SHISA9: variants seen among roughly 807,000 people sequenced by gnomAD.
SHISA9 encodes protein shisa-9.
A neutral mutation model predicts 38.0 loss-of-function variants in SHISA9; 13 were observed. That is an observed-to-expected ratio of 0.34 (90% CI 0.22 to 0.54). The LOEUF is 0.54. Ranked by LOEUF, SHISA9 falls within the 20% of genes least tolerant of loss-of-function variation. The pLI, the probability that SHISA9 is intolerant of heterozygous loss-of-function variation, is 0.91. For synonymous variants in SHISA9, 275 were observed against 242.0 expected (o/e 1.14, Z -1.27); for missense variants, 538 against 575.8 (o/e 0.93, Z 0.67).
the SHISA9 span, among the ~76,000 whole-genome samples, chr16:13,487,310 A>C: frequency 6.6e-6 from 1 of 152,336 alleles, no homozygotes; most frequent in Admixed American, 6.5e-5. Flanking sequence ...GTAATTTATA[A>C]AGAAAAGAGC....
intron 2 of SHISA9, among the ~76,000 whole-genome samples, chr16:13,199,526 G>A (rs989701907): frequency 6.6e-6 from 1 of 152,262 alleles, no homozygotes; most frequent in East Asian, 1.9e-4. Context: ...CAGGAGCCAG[G>A]AGCCACAAAA....
the SHISA9 span, among the ~76,000 whole-genome samples, chr16:13,496,434 T>C: frequency 6.6e-6 from 1 of 152,108 alleles, no homozygotes; most frequent in African/African-American, 2.4e-5. Flanking sequence ...GATGAAAGTG[T>C]CTCAAAATAA....
At chr16:13,091,291 C>T (rs2073772364) in intron 2 of SHISA9, among the ~76,000 whole-genome samples, 1 of 152,174 alleles carries the variant, frequency 6.6e-6, no homozygotes, top group Admixed American at 6.5e-5. Context: ...GGTTGCTCTT[C>T]TCGACGAGTA....
intron 2 of SHISA9, among the ~76,000 whole-genome samples, chr16:13,150,210 G>A (rs368648329): frequency 5.9e-5 from 9 of 151,870 alleles, no homozygotes; most frequent in Admixed American, 4.6e-4. Flanking sequence ...TACTGCGTTT[G>A]TTCCACCTCT....
At chr16:13,188,963 T>G (rs2050856542) in intron 2 of SHISA9, among the ~76,000 whole-genome samples, 1 of 152,064 alleles carries the variant, frequency 6.6e-6, no homozygotes, top group South Asian at 2.1e-4. Flanking sequence ...GAAATTTGGA[T>G]GCAGACACAC....
the SHISA9 span, among the ~76,000 whole-genome samples, chr16:13,324,432 C>G: frequency 6.6e-6 from 1 of 152,038 alleles, no homozygotes; most frequent in African/African-American, 2.4e-5. Context: ...TGATTGGCAA[C>G]CACAAAGAAA....
intron 2 of SHISA9, among the ~76,000 whole-genome samples, chr16:12,938,178 G>A (rs1434523939): frequency 6.6e-6 from 1 of 152,218 alleles, no homozygotes; most frequent in African/African-American, 2.4e-5. Context: ...CCGAGAAGGG[G>A]AAGAATAAAG....
intron 4 of SHISA9, among the ~76,000 whole-genome samples, chr16:13,213,856 C>G (rs1049868700): frequency 6.6e-6 from 1 of 152,192 alleles, no homozygotes; most frequent in African/African-American, 2.4e-5. Flanking sequence ...TGGCAGCTAT[C>G]ATTAATTAGC....
the SHISA9 span, chr16:13,331,810 A>T: frequency 5.3e-5 from 8 of 152,262 alleles, no homozygotes; most frequent in Admixed American, 2.6e-4. Context: ...TTGGTTTCCT[A>T]TCTGGAAAGT....
chr16:13,236,886 C>T lies in SHISA9; in HGVS notation c.*1477C>T, dbSNP rs1225020101. On this transcript the variant is annotated 3_prime_UTR_variant, in exon 5 of 5. Coordinates refer to ENST00000558583, the MANE Select transcript of SHISA9 (RefSeq NM_001145204.3). ...CATACTTCATGTGTTCATCTCCCAT[C>T]CAGAATGTCCTGAGGTTGTTTTTCT... 3 of 152,212 alleles carry T rather than the reference C, an allele frequency of 2.0e-5. No individual in the cohort carries two copies. Among genetic ancestry groups the T allele is most frequent in the Non-Finnish European group, 4.4e-5 (3 of 68,040 alleles). The allele number at this position is 152,212 out of a possible 1,614,324, so 9.4% of individuals were successfully genotyped here. A position where few individuals can be genotyped will look rare whatever the true frequency, so the allele number is the denominator to read the frequency against.
chr16:13,372,657 A>G, the SHISA9 span, among the ~76,000 whole-genome samples: 4 of 152,332 alleles, frequency 2.6e-5, no homozygotes, highest in Non-Finnish European at 1.5e-5. Flanking sequence ...TTCACTAAGT[A>G]TTTCCTAAGA....
the SHISA9 span, among the ~76,000 whole-genome samples, chr16:13,248,023 A>C: frequency 2.0e-5 from 3 of 152,238 alleles, no homozygotes; most frequent in African/African-American, 7.2e-5. Context: ...TCCATGTATC[A>C]AAGGCAGTTG....
chr16:13,165,036 A>C (rs945834159), intron 2 of SHISA9, among the ~76,000 whole-genome samples: 1 of 151,994 alleles, frequency 6.6e-6, no homozygotes, highest in Non-Finnish European at 1.5e-5. Context: ...GGTTTTCAGC[A>C]ATTTAGTTAA....
chr16:13,325,351 T>G, the SHISA9 span, among the ~76,000 whole-genome samples: 113 of 152,324 alleles, frequency 7.4e-4, no homozygotes, highest in African/African-American at 2.5e-3. Flanking sequence ...TCTCTTTTCA[T>G]GTTAATGCTG....
intron 2 of SHISA9, among the ~76,000 whole-genome samples, chr16:12,986,956 T>C (rs1235798411): frequency 6.6e-6 from 1 of 152,204 alleles, no homozygotes; most frequent in Non-Finnish European, 1.5e-5. Context: ...TTAGATGATA[T>C]CACACCTGAG....
the SHISA9 span, among the ~76,000 whole-genome samples, chr16:13,383,398 A>G: frequency 4.8e-4 from 73 of 152,240 alleles, no homozygotes; most frequent in African/African-American, 1.4e-3. Flanking sequence ...GATCTTGAAC[A>G]TATATCCTTA....
At chr16:13,301,274 G>T in the SHISA9 span, among the ~76,000 whole-genome samples, 1 of 152,190 alleles carries the variant, frequency 6.6e-6, no homozygotes, top group Non-Finnish European at 1.5e-5. Flanking sequence ...ACATCCTATG[G>T]TGATGGTTTG....
the SHISA9 span, among the ~76,000 whole-genome samples, chr16:13,443,134 G>T: frequency 2.6e-5 from 4 of 152,146 alleles, no homozygotes; most frequent in Non-Finnish European, 5.9e-5. Flanking sequence ...TTCTGGGAAA[G>T]TTCACTGGAC....
At chr16:13,164,233 A>G (rs1203574670) in intron 2 of SHISA9, among the ~76,000 whole-genome samples, 2 of 152,032 alleles carry the variant, frequency 1.3e-5, no homozygotes, top group African/African-American at 2.4e-5. Flanking sequence ...TTATGCATCT[A>G]TTGAAATGAT....
Sources: allele counts gnomAD v4.1 joint callset (sites outside exome capture counted in the v4.1 genomes callset), GRCh38; gene constraint gnomAD v4.1.1; transcripts MANE v1.5; gene names NCBI Gene and HGNC (gene_info 2026-07-23, HGNC 2026-07-21).